ERBB4: variants seen among roughly 807,000 people sequenced by gnomAD.
ERBB4 encodes the protein receptor tyrosine-protein kinase erbB-4.
Under a neutral mutation model 158.0 loss-of-function variants are expected in ERBB4, and 42 were observed. The ratio of observed to expected loss-of-function variants is 0.27; its 90% CI spans 0.21 to 0.34. The LOEUF (loss-of-function observed/expected upper bound fraction) is 0.34. Among genes scored for constraint, ERBB4 ranks in the 10% least tolerant of loss-of-function variants. The pLI, the probability that ERBB4 is intolerant of heterozygous loss-of-function variation, is 1.00. For missense variants in ERBB4, 1,333 were observed against 1,624.1 expected (o/e 0.82, Z 3.08); for synonymous variants, 583 against 558.7 (o/e 1.04, Z -0.61).
At chr2:211,953,493 A>C (rs938985121) in intron 2 of ERBB4, among the ~76,000 whole-genome samples, 1 of 151,022 alleles carries the variant, frequency 6.6e-6, no homozygotes, top group Non-Finnish European at 1.5e-5. Flanking sequence ...AAAAAGAAGA[A>C]GAAGAATGCC....
intron 20 of ERBB4, among the ~76,000 whole-genome samples, chr2:211,505,351 C>A (rs565657076): frequency 6.6e-6 from 1 of 152,020 alleles, no homozygotes; most frequent in Non-Finnish European, 1.5e-5. Flanking sequence ...AATCTCATAT[C>A]CTGCTAAATT....
chr2:211,689,209 G>C (rs59853762), intron 12 of ERBB4, among the ~76,000 whole-genome samples: 1 of 152,010 alleles, frequency 6.6e-6, no homozygotes. Context: ...GAATCTGTTT[G>C]TTTGAAACAG....
chr2:211,394,009 A>C (rs2062859534), intron 25 of ERBB4, among the ~76,000 whole-genome samples: 1 of 152,102 alleles, frequency 6.6e-6, no homozygotes, highest in African/African-American at 2.4e-5. Flanking sequence ...ACTGAGGGTA[A>C]GTAAGCTATT....
chr2:212,324,444 G>A (rs1003204982), intron 1 of ERBB4, among the ~76,000 whole-genome samples: 2 of 146,590 alleles, frequency 1.4e-5, no homozygotes, highest in Non-Finnish European at 1.5e-5. Flanking sequence ...AGAGTATAAC[G>A]AAACCATGAA....
chr2:212,380,113 C>A (rs1376301157), intron 1 of ERBB4, among the ~76,000 whole-genome samples: 1 of 151,234 alleles, frequency 6.6e-6, no homozygotes. Flanking sequence ...TGATTATACA[C>A]ACACACAAAC....
chr2:211,738,373 T>TG (rs2074677671), intron 5 of ERBB4, among the ~76,000 whole-genome samples: 1 of 148,624 alleles, frequency 6.7e-6, no homozygotes, highest in Non-Finnish European at 1.5e-5. Context: ...TTTTTTTTTT[T>TG]TTTTTTTTTT....
At chr2:212,165,783 CAT>C (rs952662924) in intron 1 of ERBB4, among the ~76,000 whole-genome samples, 90 of 152,002 alleles carry the variant, frequency 5.9e-4, no homozygotes, top group African/African-American at 2.1e-3. Flanking sequence ...TAGTGGAAAA[CAT>C]AAACAATTTT....
intron 4 of ERBB4, among the ~76,000 whole-genome samples, chr2:211,780,955 G>A (rs1022454791): frequency 6.6e-6 from 1 of 152,054 alleles, no homozygotes; most frequent in East Asian, 1.9e-4. Flanking sequence ...ATTTCATTCT[G>A]TGTATACATT....
chr2:212,350,544 G>A (rs2089208263), intron 1 of ERBB4, among the ~76,000 whole-genome samples: 1 of 152,088 alleles, frequency 6.6e-6, no homozygotes, highest in South Asian at 2.1e-4. Flanking sequence ...TGGCTCAAAA[G>A]TAATAAGACA....
chr2:212,044,362 T>C (rs2077207681), intron 2 of ERBB4, among the ~76,000 whole-genome samples: 1 of 152,174 alleles, frequency 6.6e-6, no homozygotes, highest in East Asian at 1.9e-4. Context: ...TTTTATTCTA[T>C]ATAAAAAAAC....
intron 2 of ERBB4, among the ~76,000 whole-genome samples, chr2:212,053,856 T>A (rs370299069): frequency 1.3e-5 from 2 of 152,198 alleles, no homozygotes; most frequent in African/African-American, 4.8e-5. Context: ...TGATGCCAAC[T>A]TAGGCCTACA....
intron 2 of ERBB4, among the ~76,000 whole-genome samples, chr2:212,114,390 C>T (rs2079511817): frequency 6.6e-6 from 1 of 152,028 alleles, no homozygotes. Flanking sequence ...GAGCTGAATA[C>T]CAAAAGGAAG....
chr2:211,384,918 C>A (rs547107879), intron 27 of ERBB4, among the ~76,000 whole-genome samples: 42 of 152,128 alleles, frequency 2.8e-4, no homozygotes, highest in African/African-American at 9.4e-4. Flanking sequence ...TATCACCATT[C>A]TCCTGAAGCT....
chr2:212,308,548 C>T (rs1470836352), intron 1 of ERBB4, among the ~76,000 whole-genome samples: 1 of 150,828 alleles, frequency 6.6e-6, no homozygotes, highest in African/African-American at 2.4e-5. Flanking sequence ...ATAGTTTGAC[C>T]TCTAGACACC....
rs145864008 is a variant in ERBB4, at chr2:211,400,405, C to T, written c.3136-12413G>A. Among the ~76,000 whole-genome samples the T allele has an allele frequency of 1.2e-3, 181 of 152,252 alleles. 2 individuals are homozygous for T. The highest frequency in any genetic ancestry group is 3.5e-3 in the African/African-American group (147 of 41,562). ...AAATGCTGCCTTCCAAATAAGCATACACTTTTTATATACCACAATAAAAGT... is the reference window on the plus strand; with the variant it reads ...AAATGCTGCCTTCCAAATAAGCATATACTTTTTATATACCACAATAAAAGT... On this transcript the variant is annotated intron_variant, in intron 25 of 27. Coordinates refer to ENST00000342788, the MANE Select transcript of ERBB4 (RefSeq NM_005235.3).
chr2:211,897,906 A>G (rs1453144178), intron 3 of ERBB4, among the ~76,000 whole-genome samples: 3 of 151,728 alleles, frequency 2.0e-5, no homozygotes, highest in Non-Finnish European at 4.4e-5. Context: ...ACAGGCACAC[A>G]CAACAGTGCC....
chr2:211,590,758 T>C (rs2068435911), intron 19 of ERBB4, among the ~76,000 whole-genome samples: 1 of 152,172 alleles, frequency 6.6e-6, no homozygotes, highest in African/African-American at 2.4e-5. Flanking sequence ...GCGATTCCCC[T>C]GTCTTGGGAA....
In ERBB4 at chr2:212,161,951, GA is replaced by G. The variant is rs201795400; in HGVS notation, c.83-37049del. Among the ~76,000 whole-genome samples, 64 of 151,950 alleles carry G rather than the reference GA, an allele frequency of 4.2e-4. No homozygotes were observed. In the East Asian group the frequency reaches 0.012, roughly 29 times the overall value. ...ATGACAATAAATAGCAAGTGATGGT[GA>G]AAATCCAGAGCAAGTAGCACTGTTA... On this transcript the variant is annotated intron_variant, in intron 1 of 27. Transcript: ENST00000342788.
At chr2:211,820,691 A>G (rs1308435944) in intron 3 of ERBB4, among the ~76,000 whole-genome samples, 4 of 151,854 alleles carry the variant, frequency 2.6e-5, no homozygotes, top group Non-Finnish European at 5.9e-5. Context: ...AATCACACCA[A>G]AATATGAGGA....
Sources: allele counts gnomAD v4.1 joint callset (sites outside exome capture counted in the v4.1 genomes callset), GRCh38; gene constraint gnomAD v4.1.1; transcripts MANE v1.5; gene names NCBI Gene and HGNC (gene_info 2026-07-23, HGNC 2026-07-21).